Variants in TNFRSF10D observed in about 807,000 individuals in gnomAD.
TNFRSF10D encodes the protein tumor necrosis factor receptor superfamily member 10D.
Under a neutral mutation model 42.1 loss-of-function variants are expected in TNFRSF10D, and 28 were observed. The ratio of observed to expected loss-of-function variants is 0.66; its 90% confidence interval spans 0.49 to 0.91. The LOEUF (loss-of-function observed/expected upper bound fraction) is 0.91. Ranked by LOEUF, TNFRSF10D falls within the 40% of genes least tolerant of loss-of-function variation. The pLI is 0.00. For synonymous variants in TNFRSF10D, 186 were observed against 189.4 expected, an observed-to-expected ratio of 0.98 and a Z score of 0.15; for missense variants, 503 against 486.1, an observed-to-expected ratio of 1.03 and a Z score of -0.33.
intron 2 of TNFRSF10D, among the ~76,000 whole-genome samples, chr8:23,150,383 G>A (rs930110274): frequency 2.0e-5 from 3 of 152,220 alleles, no homozygotes; most frequent in Non-Finnish European, 4.4e-5. Flanking sequence ...CCCAGAATCT[G>A]TGAACAGGCT....
chr8:23,159,045 C>T (rs1270278591), intron 1 of TNFRSF10D, among the ~76,000 whole-genome samples: 3 of 152,092 alleles, frequency 2.0e-5, no homozygotes, highest in Non-Finnish European at 4.4e-5. Context: ...GATGAGGAAT[C>T]ACATGGTATG....
chr8:23,148,172 G>A (rs931909438), intron 3 of TNFRSF10D, among the ~76,000 whole-genome samples: 1 of 151,352 alleles, frequency 6.6e-6, no homozygotes, highest in African/African-American at 2.4e-5. Flanking sequence ...CTGGGAGGCA[G>A]AGGTTGCAGT....
At chr8:23,138,148 C>G (rs747068753) in intron 8 of TNFRSF10D, 40 bp downstream of exon 8, 1 of 1,613,802 alleles carries the variant, frequency 6.2e-7, no homozygotes, top group South Asian at 1.1e-5. Context: ...CGTCCCTATT[C>G]CCTGTCCTCC....
rs1018879677 is a variant in TNFRSF10D at position 23,140,417 on chromosome 8, C to A, written c.955-2157G>T. On this transcript the variant is annotated intron_variant, in intron 7 of 8. Transcript: ENST00000312584. ...ACACACACACACACACACACACACA[C>A]AATACCTAGAAATACCTCTACCCAA... Among the ~76,000 whole-genome samples, 7 of 139,128 alleles carry A rather than the reference C, an allele frequency of 5.0e-5. No homozygotes were observed. The Middle Eastern group carries it at 0.011, about 222-fold the overall frequency. 91.3% of individuals were successfully genotyped at this position (139,128 alleles called of 152,430 possible).
chr8:23,147,377 C>T (rs1044439687), intron 3 of TNFRSF10D, among the ~76,000 whole-genome samples: 1 of 152,184 alleles, frequency 6.6e-6, no homozygotes, highest in African/African-American at 2.4e-5. Context: ...GGAGAGGGGC[C>T]CTTGGGGGAC....
chr8:23,151,097 C>T (rs1800207295), intron 2 of TNFRSF10D, among the ~76,000 whole-genome samples: 1 of 152,144 alleles, frequency 6.6e-6, no homozygotes, highest in South Asian at 2.1e-4. Flanking sequence ...AAGAGATCTT[C>T]ACCAAGACAC....
At chr8:23,139,876 T>C (rs1051569813) in intron 7 of TNFRSF10D, among the ~76,000 whole-genome samples, 7 of 152,202 alleles carry the variant, frequency 4.6e-5, no homozygotes, top group Non-Finnish European at 4.4e-5. Flanking sequence ...CCGGGCACCG[T>C]GGCTCACACC....
rs1800129062 is a variant in TNFRSF10D, at chr8:23,146,960, C to A, written c.482+1G>T. 6.2e-7 allele frequency: 1 copy of A among 1,613,772 alleles called. No homozygotes were observed. Among genetic ancestry groups the A allele is most frequent in the East Asian group, 2.2e-5 (1 of 44,882 alleles). On this transcript the variant is annotated splice_donor_variant, in intron 4 of 8. Coordinates refer to ENST00000312584, the MANE Select transcript of TNFRSF10D (RefSeq NM_003840.5). LOFTEE classifies it high-confidence loss of function. Reference sequence around the variant, plus strand: ...TTGGGAGCCCCTGGCTGCTGTCTTACCCTGTTCTACACGTCCGGCACATCT... The same window carrying A: ...TTGGGAGCCCCTGGCTGCTGTCTTAACCTGTTCTACACGTCCGGCACATCT...
In TNFRSF10D at chr8:23,148,337, C is replaced by T. The variant is rs112108401; in HGVS notation, c.370+101G>A. ...TGGAACAGGGCATGATGAAGACTAC[C>T]AAGTTGGGCTAGAACTTGGTTCCCC... On this transcript the variant is annotated intron_variant, in intron 3 of 8. Transcript: ENST00000312584. The T allele has an allele frequency of 1.7e-3, 1,221 of 725,598 alleles. 9 individuals carry two copies. The African/African-American group carries it at 0.019, about 11-fold the overall frequency. 44.9% of individuals were successfully genotyped at this position (725,598 alleles called of 1,614,324 possible). A position where few individuals can be genotyped will look rare whatever the true frequency, so the allele number is the denominator to read the frequency against.
At chr8:23,156,704 C>T (rs1318565991) in intron 1 of TNFRSF10D, among the ~76,000 whole-genome samples, 676 of 151,608 alleles carry the variant, frequency 4.5e-3, no homozygotes, top group African/African-American at 0.014. Context: ...GCCGGGACCA[C>T]AGACAGGAGA....
At chr8:23,143,705 G>T (rs377054134) in intron 7 of TNFRSF10D, among the ~76,000 whole-genome samples, 8 of 152,268 alleles carry the variant, frequency 5.3e-5, no homozygotes, top group South Asian at 2.1e-4. Context: ...GTGGAGGAAG[G>T]AGACAGTGAC....
At chr8:23,148,634 C>T (rs2128837523) in intron 2 of TNFRSF10D, 83 bp from the exon 3 acceptor site, 1 of 992,338 alleles carries the variant, frequency 1.0e-6, no homozygotes, top group Non-Finnish European at 1.6e-6. Context: ...TCTCTTTTGG[C>T]CCTCAGTGGA....
chr8:23,146,545 T>C (rs911555782), intron 4 of TNFRSF10D, among the ~76,000 whole-genome samples: 1 of 152,158 alleles, frequency 6.6e-6, no homozygotes, highest in Non-Finnish European at 1.5e-5. Flanking sequence ...TATGGGTCCC[T>C]GCCCACATAA....
rs367953483 is a variant in TNFRSF10D at position 23,148,508 on chromosome 8, T to G, written c.300A>C (p.Thr100=). 2 of 1,611,010 alleles carry G rather than the reference T, an allele frequency of 1.2e-6. No homozygotes were observed. Among genetic ancestry groups the G allele is most frequent in the Non-Finnish European group, 1.7e-6 (2 of 1,177,950 alleles). The change falls in exon 3 of 9, where the codon ACA becomes ACC. Residue 100 remains threonine, a synonymous_variant. Transcript: ENST00000312584. ...SEYTGACNPC[T]EGVDYTIASN... Reference sequence around the variant, plus strand: ...AAGCAATGGTGTAATCCACACCCTCTGTGCACGGGTTACAGGCTCCAGTAT... The same window carrying G: ...AAGCAATGGTGTAATCCACACCCTCGGTGCACGGGTTACAGGCTCCAGTAT...
intron 1 of TNFRSF10D, 109 bp downstream of exon 1, chr8:23,163,677 G>A (rs2128840810): frequency 2.7e-6 from 4 of 1,498,408 alleles, no homozygotes; most frequent in African/African-American, 1.4e-5. Flanking sequence ...AGACATGCCC[G>A]GCCGCAGGCG....
intron 7 of TNFRSF10D, among the ~76,000 whole-genome samples, chr8:23,139,798 C>T (rs1201184186): frequency 1.3e-5 from 2 of 152,082 alleles, no homozygotes; most frequent in Non-Finnish European, 2.9e-5. Flanking sequence ...ACCAAAAGGC[C>T]CCTGGAACTA....
chr8:23,158,880 A>G (rs1392636377), intron 1 of TNFRSF10D, among the ~76,000 whole-genome samples: 1 of 152,180 alleles, frequency 6.6e-6, no homozygotes, highest in Non-Finnish European at 1.5e-5. Flanking sequence ...GTACGTATAC[A>G]CTGTGGAACT....
chr8:23,153,220 T>A (rs555380902), intron 2 of TNFRSF10D, among the ~76,000 whole-genome samples: 5 of 152,080 alleles, frequency 3.3e-5, no homozygotes, highest in Admixed American at 1.3e-4. Flanking sequence ...AAAAATCAAC[T>A]CAACATGGAC....
intron 2 of TNFRSF10D, among the ~76,000 whole-genome samples, chr8:23,153,923 A>G (rs1334728667): frequency 6.6e-6 from 1 of 152,254 alleles, no homozygotes; most frequent in East Asian, 1.9e-4. Flanking sequence ...CTTCCCTCCC[A>G]TGTGCATTGG....
Sources: allele counts gnomAD v4.1 joint callset (sites outside exome capture counted in the v4.1 genomes callset), GRCh38; gene constraint gnomAD v4.1.1; transcripts MANE v1.5; gene names NCBI Gene and HGNC (gene_info 2026-07-23, HGNC 2026-07-21).